NALCN: variants seen among roughly 807,000 people sequenced by gnomAD.
The protein encoded by NALCN is sodium leak channel, non-selective.
A neutral mutation model predicts 225.3 loss-of-function variants in NALCN; 111 were observed. That is an observed-to-expected ratio of 0.49 (90% CI 0.42 to 0.58). The LOEUF is 0.58. NALCN is among the 20% of genes least tolerant of loss of function. NALCN has a pLI of 0.00. For synonymous variants in NALCN, 764 were observed against 769.0 expected (o/e 0.99, Z 0.11); for missense variants, 1,378 against 2,202.4 (o/e 0.63, Z 7.49).
intron 7 of NALCN, among the ~76,000 whole-genome samples, chr13:101,304,982 C>G (rs2044107672): frequency 6.6e-6 from 1 of 151,812 alleles, no homozygotes; most frequent in Non-Finnish European, 1.5e-5. Context: ...GTCTTGATCT[C>G]CTGACCTCGT....
intron 6 of NALCN, among the ~76,000 whole-genome samples, chr13:101,357,811 C>A (rs2046107566): frequency 6.6e-6 from 1 of 152,144 alleles, no homozygotes; most frequent in Admixed American, 6.5e-5. Flanking sequence ...GTAACCAAAA[C>A]AGCATGGCAC....
intron 6 of NALCN, among the ~76,000 whole-genome samples, chr13:101,363,384 A>T (rs1021988275): frequency 3.3e-5 from 5 of 152,162 alleles, no homozygotes; most frequent in Non-Finnish European, 5.9e-5. Context: ...CTGGTAAAAA[A>T]ACAGAAAATA....
rs945094397 is a variant in NALCN, at chr13:101,055,257, G to T, written c.*38C>A. 6 of 1,551,468 alleles carry T rather than the reference G, an allele frequency of 3.9e-6. No homozygotes were observed. The Admixed American group carries it at 8.6e-5, about 22-fold the overall frequency. On this transcript the variant is annotated 3_prime_UTR_variant, in exon 44 of 44. Transcript: ENST00000251127. ...CAATCAAGGACATTATTAGAAAACG[G>T]TTTCCACCACTAGAAATTCATCTAC...
rs187683089 is a variant in NALCN, at chr13:101,322,805, C to T, written c.799+22461G>A. ...TCGGCTCACTGCAACCTCTGCCTCC[C>T]GGGTTCAAACAATTCTCCTACCTCA... On this transcript the variant is annotated intron_variant, in intron 7 of 43. Coordinates refer to ENST00000251127, the MANE Select transcript of NALCN (RefSeq NM_052867.4). 5.9e-5 allele frequency among the ~76,000 whole-genome samples: 9 copies of T among 152,116 alleles called. No homozygotes were observed. The East Asian group carries it at 9.7e-4, about 16-fold the overall frequency.
intron 11 of NALCN, among the ~76,000 whole-genome samples, chr13:101,253,861 G>A (rs2042133762): frequency 7.1e-6 from 1 of 140,192 alleles, no homozygotes; most frequent in South Asian, 2.3e-4. Flanking sequence ...ATCTGGGTCT[G>A]CAAGAAAGAG....
intron 33 of NALCN, among the ~76,000 whole-genome samples, chr13:101,082,190 T>G (rs2033691817): frequency 6.6e-6 from 1 of 152,216 alleles, no homozygotes. Flanking sequence ...ACTATCTATT[T>G]AAAGAATAAT....
At chr13:101,080,746 CATAA>C (rs776475526) in intron 34 of NALCN, among the ~76,000 whole-genome samples, 4 of 131,672 alleles carry the variant, frequency 3.0e-5, no homozygotes, top group Non-Finnish European at 6.4e-5. Flanking sequence ...AAATATATTA[CATAA>C]TTAAATAATT....
intron 39 of NALCN, among the ~76,000 whole-genome samples, chr13:101,066,767 A>G (rs1393242996): frequency 6.6e-6 from 1 of 152,090 alleles, no homozygotes; most frequent in Non-Finnish European, 1.5e-5. Context: ...AATTGGGGTG[A>G]GTGCACTGCC....
intron 34 of NALCN, among the ~76,000 whole-genome samples, chr13:101,080,507 G>A (rs1028184189): frequency 7.1e-6 from 1 of 141,804 alleles, no homozygotes; most frequent in Non-Finnish European, 1.5e-5. Context: ...AATTACATAA[G>A]TATAATTACA....
chr13:101,087,923 C>T (rs551741657), intron 30 of NALCN, among the ~76,000 whole-genome samples: 1 of 152,280 alleles, frequency 6.6e-6, no homozygotes, highest in Non-Finnish European at 1.5e-5. Context: ...CCTAAACTCT[C>T]CTGTTAATTG....
chr13:101,273,576 A>G (rs765210123), intron 10 of NALCN, among the ~76,000 whole-genome samples: 3 of 152,212 alleles, frequency 2.0e-5, no homozygotes, highest in Non-Finnish European at 2.9e-5. Context: ...ATTTAGAAAG[A>G]AACAATATAC....
chr13:101,365,450 TACTTC>T (rs2046355171), intron 6 of NALCN, among the ~76,000 whole-genome samples: 1 of 152,152 alleles, frequency 6.6e-6, no homozygotes, highest in Non-Finnish European at 1.5e-5. Context: ...TATAAGACAA[TACTTC>T]ACTTATTTGC....
At chr13:101,395,468 G>A in intron 2 of NALCN, 103 bp from the exon 3 acceptor site, 1 of 1,062,350 alleles carries the variant, frequency 9.4e-7, no homozygotes, top group Non-Finnish European at 1.3e-6. Context: ...GGTTAAAATA[G>A]TTTACTAATG....
At chr13:101,350,117 C>G (rs1417354582) in intron 6 of NALCN, among the ~76,000 whole-genome samples, 4 of 152,180 alleles carry the variant, frequency 2.6e-5, no homozygotes, top group African/African-American at 9.7e-5. Flanking sequence ...GCCTCCCACT[C>G]TTAGCCTTTC....
intron 30 of NALCN, among the ~76,000 whole-genome samples, chr13:101,088,927 C>T (rs1021300574): frequency 4.9e-5 from 7 of 143,964 alleles, no homozygotes; most frequent in Non-Finnish European, 6.0e-5. Flanking sequence ...TTTTTTGAGT[C>T]TCGCTCTGTT....
At chr13:101,137,835 G>C (rs1187022364) in intron 17 of NALCN, among the ~76,000 whole-genome samples, 1 of 152,142 alleles carries the variant, frequency 6.6e-6, no homozygotes, top group East Asian at 1.9e-4. Context: ...TGGTTTGAGA[G>C]GCACAGAACA....
At chr13:101,304,635 G>T (rs1461333471) in intron 7 of NALCN, among the ~76,000 whole-genome samples, 1 of 151,978 alleles carries the variant, frequency 6.6e-6, no homozygotes, top group African/African-American at 2.4e-5. Context: ...ACCAGGTTTC[G>T]CCATGTTGCT....
intron 7 of NALCN, among the ~76,000 whole-genome samples, chr13:101,316,711 G>T (rs893357214): frequency 2.0e-5 from 3 of 152,040 alleles, no homozygotes; most frequent in Non-Finnish European, 4.4e-5. Flanking sequence ...TGTATACATT[G>T]CAAGGAGAAA....
rs886381627 is a variant in NALCN at position 101,416,121 on chromosome 13, C to T, written c.-40+192G>A. On this transcript the variant is annotated intron_variant, in intron 1 of 43. Coordinates refer to ENST00000251127, the MANE Select transcript of NALCN (RefSeq NM_052867.4). ...CGCCCCGCTCTCGGGTGGAGGCGCC[C>T]CTCCCCACCCCTCCCCCGCGCGGGG... is the stretch of plus-strand genomic sequence containing the variant. 1.6e-3 allele frequency among the ~76,000 whole-genome samples: 246 copies of T among 151,920 alleles called. 1 individual carries two copies. The highest frequency in any genetic ancestry group is 2.8e-3 in the Non-Finnish European group (192 of 67,874).
Sources: gnomAD v4.1 joint callset for allele counts (sites outside exome capture counted in the v4.1 genomes callset) on GRCh38, gnomAD v4.1.1 for gene constraint, MANE v1.5 for transcripts, NCBI Gene and HGNC (gene_info 2026-07-23, HGNC 2026-07-21) for gene names.